Variants in AFG2A observed in about 807,000 individuals in gnomAD.
The protein encoded by AFG2A is ATPase family gene 2 protein homolog A.
At chr4:123,100,488 A>G in the AFG2A span, among the ~76,000 whole-genome samples, 1 of 151,844 alleles carries the variant, frequency 6.6e-6, no homozygotes, top group Non-Finnish European at 1.5e-5. Context: ...CGTCTAAAGC[A>G]TTCTCATCTT....
At chr4:123,312,333 A>G in the AFG2A span, among the ~76,000 whole-genome samples, 1 of 152,174 alleles carries the variant, frequency 6.6e-6, no homozygotes, top group African/African-American at 2.4e-5. Flanking sequence ...ACCTGGCAGG[A>G]AATGTAGTGC....
At chr4:122,933,520 T>C in the AFG2A span, 3 of 1,597,980 alleles carry the variant, frequency 1.9e-6, no homozygotes, top group Non-Finnish European at 2.6e-6. Context: ...TTTTAAATTG[T>C]TTTCTTAAGT....
chr4:123,067,792 A>T, the AFG2A span, among the ~76,000 whole-genome samples: 1 of 151,866 alleles, frequency 6.6e-6, no homozygotes, highest in Admixed American at 6.6e-5. Flanking sequence ...GGGTAAGCAC[A>T]TTTTTTTTCT....
chr4:123,080,579 A>G, the AFG2A span, among the ~76,000 whole-genome samples: 6 of 151,784 alleles, frequency 4.0e-5, no homozygotes, highest in Non-Finnish European at 5.9e-5. Context: ...TCTTCTAACT[A>G]TGTATTTTTT....
At chr4:123,007,185 C>G in the AFG2A span, among the ~76,000 whole-genome samples, 2 of 151,906 alleles carry the variant, frequency 1.3e-5, no homozygotes, top group African/African-American at 4.8e-5. Context: ...TTTAAATTTT[C>G]TGAGGTGAGA....
At chr4:123,089,964 C>A in the AFG2A span, among the ~76,000 whole-genome samples, 1 of 152,122 alleles carries the variant, frequency 6.6e-6, no homozygotes, top group Non-Finnish European at 1.5e-5. Flanking sequence ...GTGTTTAGAA[C>A]TGGCTTTGTA....
the AFG2A span, chr4:123,319,268 A>C: frequency 6.6e-6 from 1 of 152,230 alleles, no homozygotes; most frequent in African/African-American, 2.4e-5. Flanking sequence ...GTAAAGATAG[A>C]ATAAAGGTAT....
chr4:123,142,266 A>G, the AFG2A span, among the ~76,000 whole-genome samples: 1 of 152,180 alleles, frequency 6.6e-6, no homozygotes, highest in East Asian at 1.9e-4. Context: ...GTATGTATGC[A>G]TGCATGTAAG....
At chr4:123,108,654 G>A in the AFG2A span, among the ~76,000 whole-genome samples, 1 of 151,934 alleles carries the variant, frequency 6.6e-6, no homozygotes, top group African/African-American at 2.4e-5. Context: ...TCTTGATTCC[G>A]GAACTTTTTT....
chr4:123,204,312 T>C, the AFG2A span, among the ~76,000 whole-genome samples: 141 of 152,326 alleles, frequency 9.3e-4, no homozygotes, highest in Middle Eastern at 3.4e-3. Context: ...TACCAAACTA[T>C]CTTCCAGAGT....
chr4:123,135,695 C>A, the AFG2A span, among the ~76,000 whole-genome samples: 1 of 152,166 alleles, frequency 6.6e-6, no homozygotes, highest in South Asian at 2.1e-4. Context: ...AGTAATCTAG[C>A]GATCATTTAA....
the AFG2A span, among the ~76,000 whole-genome samples, chr4:122,939,392 C>A: frequency 6.6e-5 from 10 of 152,134 alleles, no homozygotes; most frequent in Admixed American, 1.3e-4. Context: ...GGGATATGTT[C>A]TTTTATTAAT....
chr4:123,262,257 A>C, the AFG2A span, among the ~76,000 whole-genome samples: 212 of 152,358 alleles, frequency 1.4e-3, no homozygotes, highest in African/African-American at 4.8e-3. Context: ...TTACCAACCA[A>C]AAATGTCAGT....
the AFG2A span, among the ~76,000 whole-genome samples, chr4:123,020,425 A>G: frequency 4.6e-5 from 7 of 151,256 alleles, no homozygotes; most frequent in East Asian, 1.9e-4. Flanking sequence ...CTGGAGTTCA[A>G]TGGCGCGATC....
chr4:122,983,004 A>G, the AFG2A span, among the ~76,000 whole-genome samples: 28 of 147,294 alleles, frequency 1.9e-4, no homozygotes, highest in Middle Eastern at 3.6e-3. Flanking sequence ...AGTAGCTGGG[A>G]TTACAGGCAC....
chr4:123,296,195 C>G, the AFG2A span, among the ~76,000 whole-genome samples: 3 of 151,170 alleles, frequency 2.0e-5, no homozygotes, highest in Admixed American at 6.6e-5. Context: ...AAAAATCAAA[C>G]CTGAAACTCC....
the AFG2A span, among the ~76,000 whole-genome samples, chr4:123,254,908 G>T: frequency 1.3e-5 from 2 of 152,020 alleles, no homozygotes; most frequent in East Asian, 1.9e-4. Context: ...TATTTTGAGG[G>T]ATCTCTGAAA....
the AFG2A span, among the ~76,000 whole-genome samples, chr4:123,243,485 ACTAT>A: frequency 6.6e-6 from 1 of 152,136 alleles, no homozygotes; most frequent in African/African-American, 2.4e-5. Context: ...TTCTCAGCAA[ACTAT>A]CAGAAGGACA....
At chr4:123,253,202 G>T in the AFG2A span, among the ~76,000 whole-genome samples, 3 of 152,100 alleles carry the variant, frequency 2.0e-5, no homozygotes, top group Non-Finnish European at 4.4e-5. Context: ...AATAGCTGGG[G>T]CTGGGCACGG....
Sources: gnomAD v4.1 joint callset for allele counts (sites outside exome capture counted in the v4.1 genomes callset) on GRCh38, gnomAD v4.1.1 for gene constraint, MANE v1.5 for transcripts, NCBI Gene and HGNC (gene_info 2026-07-23, HGNC 2026-07-21) for gene names.